Variants in PTPDC1 observed in about 807,000 individuals in gnomAD.
PTPDC1 encodes the protein protein tyrosine phosphatase domain-containing protein 1.
PTPDC1 carries 53 observed loss-of-function variants against 75.3 expected under a neutral mutation model. The observed-to-expected ratio is 0.70, with a 90% CI of 0.56 to 0.88. The LOEUF (loss-of-function observed/expected upper bound fraction) is 0.88, where lower values mean the gene tolerates loss of function less well. PTPDC1 is among the 40% of genes least tolerant of loss of function. The pLI is 0.00. For missense variants in PTPDC1, 925 were observed against 998.6 expected, an observed-to-expected ratio of 0.93 and a Z score of 0.99; for synonymous variants, 349 against 366.2, an observed-to-expected ratio of 0.95 and a Z score of 0.54.
intron 4 of PTPDC1, among the ~76,000 whole-genome samples, chr9:94,092,222 G>A (rs1389218598): frequency 6.7e-6 from 1 of 148,650 alleles, no homozygotes. Flanking sequence ...TGGGCATTTA[G>A]TGCTATAAAT....
At chr9:94,063,740 A>G (rs1055803299) in intron 1 of PTPDC1, among the ~76,000 whole-genome samples, 5 of 152,214 alleles carry the variant, frequency 3.3e-5, no homozygotes, top group African/African-American at 1.2e-4. Context: ...GGAATGATCC[A>G]GTGCACCAAA....
intron 2 of PTPDC1, among the ~76,000 whole-genome samples, chr9:94,078,164 T>A (rs976575286): frequency 6.6e-6 from 1 of 152,210 alleles, no homozygotes; most frequent in Non-Finnish European, 1.5e-5. Flanking sequence ...GCTTTTAATC[T>A]GAAGAACCTC....
In PTPDC1 at chr9:94,097,463, T is replaced by C. The variant is rs1180358457; in HGVS notation, c.897T>C (p.Thr299=). The change falls in exon 6 of 9, where the codon ACT becomes ACC. Residue 299 remains threonine, a synonymous_variant. Transcript: ENST00000620992. ...TAAGGGAATTTACTCAGTTTCTAAC[T>C]CCTCTCCGCAATATATTCTCTTGCT... ...LCVREFTQFL[T]PLRNIFSCCD... The C allele has an allele frequency of 6.2e-7, 1 of 1,614,204 alleles. No homozygotes were observed. Among genetic ancestry groups the C allele is most frequent in the Admixed American group, 1.7e-5 (1 of 60,028 alleles).
At chr9:94,062,199 C>T (rs1285414421) in intron 1 of PTPDC1, among the ~76,000 whole-genome samples, 3 of 152,192 alleles carry the variant, frequency 2.0e-5, no homozygotes, top group Non-Finnish European at 4.4e-5. Context: ...GGGGCACAAT[C>T]CAGCCAAGCT....
intron 1 of PTPDC1, among the ~76,000 whole-genome samples, chr9:94,047,637 T>G (rs1317648880): frequency 1.3e-5 from 2 of 152,142 alleles, no homozygotes; most frequent in Non-Finnish European, 2.9e-5. Flanking sequence ...GAGCTGGTTT[T>G]TAGAAAAGAT....
chr9:94,074,770 G>A (rs553219243), intron 2 of PTPDC1, among the ~76,000 whole-genome samples: 30 of 152,288 alleles, frequency 2.0e-4, no homozygotes, highest in Non-Finnish European at 3.7e-4. Context: ...CAGCAGGGAC[G>A]TGAATACCAA....
At chr9:94,094,494 G>C (rs1827462236) in intron 4 of PTPDC1, among the ~76,000 whole-genome samples, 1 of 152,166 alleles carries the variant, frequency 6.6e-6, no homozygotes. Context: ...GTCAGACAGG[G>C]ACATTTAAGT....
chr9:94,040,606 A>C (rs1825401864), intron 1 of PTPDC1, among the ~76,000 whole-genome samples: 1 of 152,166 alleles, frequency 6.6e-6, no homozygotes, highest in African/African-American at 2.4e-5. Flanking sequence ...AATAGAATAA[A>C]TAACATATAA....
chr9:94,096,203 C>T (rs533099262), intron 5 of PTPDC1, among the ~76,000 whole-genome samples: 1 of 152,312 alleles, frequency 6.6e-6, no homozygotes, highest in South Asian at 2.1e-4. Flanking sequence ...CAGCTCTGTC[C>T]GCAGTGTACC....
intron 1 of PTPDC1, chr9:94,038,323 C>T (rs1825333595): frequency 1.1e-5 from 7 of 647,906 alleles, no homozygotes; most frequent in Non-Finnish European, 2.0e-5. Context: ...TAGCTTATCT[C>T]AAAAAAAGCT....
intron 4 of PTPDC1, among the ~76,000 whole-genome samples, chr9:94,094,006 C>T (rs577103422): frequency 2.0e-5 from 3 of 152,214 alleles, no homozygotes; most frequent in South Asian, 4.1e-4. Flanking sequence ...TCAAAGTTTT[C>T]AACTGCTTTG....
At chr9:94,074,564 C>T (rs1047069554) in intron 2 of PTPDC1, among the ~76,000 whole-genome samples, 3 of 152,148 alleles carry the variant, frequency 2.0e-5, no homozygotes, top group Non-Finnish European at 4.4e-5. Context: ...AAGCCTCCCA[C>T]TCCCCACCAC....
chr9:94,101,765 A>T lies in PTPDC1; in HGVS notation c.2199+14A>T. On this transcript the variant is annotated intron_variant, in intron 7 of 8. Transcript: ENST00000620992. ...TTATTAGAGAAGGTAAAGTGGCTGT[A>T]GGACCAGTTAATGACTGTAACTGAG... 6.3e-7 allele frequency: 1 copy of T among 1,580,536 alleles called. No individual in the cohort carries two copies. The highest frequency in any genetic ancestry group is 8.7e-7 in the Non-Finnish European group (1 of 1,154,434).
chr9:94,071,024 A>C (rs1264998955), intron 2 of PTPDC1, among the ~76,000 whole-genome samples: 1 of 152,192 alleles, frequency 6.6e-6, no homozygotes, highest in Non-Finnish European at 1.5e-5. Context: ...CTTTGGGATA[A>C]ATACCCAAGA....
At chr9:94,077,080 T>G (rs1211943716) in intron 2 of PTPDC1, among the ~76,000 whole-genome samples, 2 of 152,238 alleles carry the variant, frequency 1.3e-5, no homozygotes, top group Non-Finnish European at 2.9e-5. Flanking sequence ...CATTGGTTTT[T>G]AGTATATACT....
intron 2 of PTPDC1, among the ~76,000 whole-genome samples, chr9:94,070,681 C>T (rs990704382): frequency 1.3e-5 from 2 of 152,204 alleles, no homozygotes; most frequent in Non-Finnish European, 2.9e-5. Flanking sequence ...ACACTCCTAA[C>T]TCTGGCCTGT....
chr9:94,095,597 C>G (rs955979905), intron 5 of PTPDC1, 143 bp downstream of exon 5: 61 of 636,682 alleles, frequency 9.6e-5, no homozygotes, highest in Middle Eastern at 2.8e-4. Context: ...TTCTAGTGTT[C>G]TGTACCACTG....
intron 4 of PTPDC1, among the ~76,000 whole-genome samples, chr9:94,093,149 C>T (rs1313103341): frequency 2.0e-5 from 3 of 152,018 alleles, no homozygotes; most frequent in African/African-American, 7.3e-5. Context: ...GGTTATTTTG[C>T]TCGTTAGTTG....
At chr9:94,093,365 C>A (rs374652119) in intron 4 of PTPDC1, among the ~76,000 whole-genome samples, 129 of 149,268 alleles carry the variant, frequency 8.6e-4, no homozygotes, top group African/African-American at 2.4e-3. Flanking sequence ...GCTGGATATG[C>A]AATTCTGGGT....
Sources: allele counts gnomAD v4.1 joint callset (sites outside exome capture counted in the v4.1 genomes callset), GRCh38; gene constraint gnomAD v4.1.1; transcripts MANE v1.5; gene names NCBI Gene and HGNC (gene_info 2026-07-23, HGNC 2026-07-21).